The following NEGR1 variants were observed in gnomAD, a reference collection of about 807,000 sequenced individuals.
NEGR1 encodes neuronal growth regulator 1, also known as IgLON family member 4.
A neutral mutation model predicts 40.9 loss-of-function variants in NEGR1; 10 were observed. That is an observed-to-expected ratio of 0.24 (90% CI 0.15 to 0.42). The LOEUF is 0.42. Ranked by LOEUF, NEGR1 falls within the 10% of genes least tolerant of loss-of-function variation. The pLI is 1.00. For missense variants in NEGR1, 352 were observed against 438.9 expected (o/e 0.80, Z 1.77); for synonymous variants, 185 against 166.8 (o/e 1.11, Z -0.84).
intron 1 of NEGR1, among the ~76,000 whole-genome samples, chr1:71,998,879 A>G (rs1362825509): frequency 6.6e-6 from 1 of 151,890 alleles, no homozygotes; most frequent in African/African-American, 2.4e-5. Flanking sequence ...AGTTACATAT[A>G]CTATAGATAC....
chr1:71,941,522 T>G (rs1645959246), intron 1 of NEGR1, among the ~76,000 whole-genome samples: 1 of 152,220 alleles, frequency 6.6e-6, no homozygotes, highest in Middle Eastern at 3.4e-3. Context: ...ACAGAAATGG[T>G]TCTTATTATC....
intron 2 of NEGR1, among the ~76,000 whole-genome samples, chr1:71,789,375 G>A (rs532210628): frequency 1.3e-5 from 2 of 152,100 alleles, no homozygotes; most frequent in Non-Finnish European, 2.9e-5. Context: ...TGTTTAATGG[G>A]AATATTTTAG....
At chr1:71,928,950 G>C (rs1479860774) in intron 2 of NEGR1, among the ~76,000 whole-genome samples, 2 of 152,022 alleles carry the variant, frequency 1.3e-5, no homozygotes, top group Non-Finnish European at 2.9e-5. Context: ...ATGATTTATG[G>C]TAGAACAGGT....
chr1:71,894,202 C>A (rs1482031235), intron 2 of NEGR1, among the ~76,000 whole-genome samples: 1 of 141,954 alleles, frequency 7.0e-6, no homozygotes, highest in Non-Finnish European at 1.5e-5. Flanking sequence ...TGCACATGTA[C>A]CCTAAAACTT....
chr1:71,440,802 T>C (rs992365609), intron 6 of NEGR1, among the ~76,000 whole-genome samples: 6 of 152,250 alleles, frequency 3.9e-5, no homozygotes, highest in African/African-American at 1.4e-4. Context: ...AAAATTGTCA[T>C]ATTTATAGAA....
At chr1:71,560,429 T>TTATATATATATATATATATATATA (rs58813234) in intron 6 of NEGR1, among the ~76,000 whole-genome samples, 1,163 of 113,842 alleles carry the variant, frequency 0.01, 51 homozygotes, top group Non-Finnish European at 0.014. Flanking sequence ...TAATTCTCCA[T>TTATATATATATATATATATATATA]TATATATATA....
chr1:71,818,952 A>C (rs1570390551), intron 2 of NEGR1, among the ~76,000 whole-genome samples: 1 of 152,014 alleles, frequency 6.6e-6, no homozygotes, highest in Non-Finnish European at 1.5e-5. Context: ...TCTATTGTAC[A>C]ATAGAGCATT....
In NEGR1 at chr1:71,907,876, T is replaced by A. The variant is rs907542411; in HGVS notation, c.409+27203A>T. The stretch of plus-strand genomic sequence containing the variant: ...GCAACATGGATGCAGCTGGAGGCCA[T>A]TGTCCTAAGCACATTAACACAGGAA... On this transcript the variant is annotated intron_variant, in intron 2 of 6. Transcript: ENST00000357731. Among the ~76,000 whole-genome samples the A allele has an allele frequency of 4.3e-4, 66 of 152,140 alleles. 1 individual carries two copies. Among genetic ancestry groups the A allele is most frequent in the Admixed American group, 2.0e-4 (3 of 15,268 alleles).
chr1:71,631,148 C>T (rs1557593675), intron 4 of NEGR1, among the ~76,000 whole-genome samples: 1 of 151,984 alleles, frequency 6.6e-6, no homozygotes, highest in South Asian at 2.1e-4. Context: ...GCAGTGTCCA[C>T]TGTTTTGCTT....
chr1:71,836,616 C>A (rs1411065646), intron 2 of NEGR1, among the ~76,000 whole-genome samples: 2 of 151,434 alleles, frequency 1.3e-5, no homozygotes, highest in African/African-American at 4.9e-5. Flanking sequence ...GGGACTCCGG[C>A]GATTTCAGTT....
At chr1:71,836,060 C>T (rs1173238158) in intron 2 of NEGR1, among the ~76,000 whole-genome samples, 1 of 152,030 alleles carries the variant, frequency 6.6e-6, no homozygotes, top group Non-Finnish European at 1.5e-5. Flanking sequence ...TGATCAGGCT[C>T]CCTCATTATC....
chr1:72,107,901 T>C (rs1198650025), intron 1 of NEGR1, among the ~76,000 whole-genome samples: 1 of 151,496 alleles, frequency 6.6e-6, no homozygotes, highest in Admixed American at 6.6e-5. Flanking sequence ...ATGGTCACTT[T>C]TCTTCAAAGC....
At position 71,570,638 on chromosome 1, in the gene NEGR1, T is replaced by C. The variant is rs528380361; in HGVS notation, c.940+22179A>G. 2.5e-5 allele frequency among the ~76,000 whole-genome samples: 3 copies of C among 117,732 alleles called. No individual in the cohort carries two copies. The South Asian group carries it at 8.7e-4, about 34-fold the overall frequency. 77.2% of individuals were successfully genotyped at this position (117,732 alleles called of 152,430 possible). A position where few individuals can be genotyped will look rare whatever the true frequency, so the allele number is the denominator to read the frequency against. ...TAGTACTTATAAACTTTGTTTATAC[T>C]GGGTCCTTATTATTATTATTATTAT... On this transcript the variant is annotated intron_variant, in intron 6 of 6. Transcript: ENST00000357731.
intron 1 of NEGR1, among the ~76,000 whole-genome samples, chr1:72,007,818 T>C (rs1320982174): frequency 6.6e-6 from 1 of 152,192 alleles, no homozygotes; most frequent in Non-Finnish European, 1.5e-5. Flanking sequence ...CTTTATTCAT[T>C]AAGTACATTA....
chr1:71,641,475 C>A lies in NEGR1; in HGVS notation c.668-30329G>T, dbSNP rs570397116. On this transcript the variant is annotated intron_variant, in intron 4 of 6. Coordinates refer to ENST00000357731, the MANE Select transcript of NEGR1 (RefSeq NM_173808.3). ...ATGATGGTGACCCAGTGGTGGGTTT[C>A]CTCTGTATTCTTTAAGCTGATCCTC... 1.2e-4 allele frequency among the ~76,000 whole-genome samples: 18 copies of A among 152,110 alleles called. 1 individual carries two copies. The South Asian group carries it at 3.7e-3, about 32-fold the overall frequency.
chr1:71,955,839 C>A (rs934099752), intron 1 of NEGR1, among the ~76,000 whole-genome samples: 6 of 152,068 alleles, frequency 3.9e-5, no homozygotes, highest in Non-Finnish European at 8.8e-5. Flanking sequence ...TTTTCACGGA[C>A]CATTCTGTTT....
At chr1:72,026,458 G>A (rs1452455606) in intron 1 of NEGR1, among the ~76,000 whole-genome samples, 1 of 149,376 alleles carries the variant, frequency 6.7e-6, no homozygotes, top group Non-Finnish European at 1.5e-5. Context: ...TGAATATATT[G>A]AAATTAAAAT....
intron 1 of NEGR1, among the ~76,000 whole-genome samples, chr1:71,958,649 T>C (rs1646137727): frequency 6.6e-6 from 1 of 152,152 alleles, no homozygotes; most frequent in Non-Finnish European, 1.5e-5. Context: ...AAGAACTAAT[T>C]CTTGTTTTAA....
At chr1:72,208,884 A>G (rs1267433532) in intron 1 of NEGR1, among the ~76,000 whole-genome samples, 1 of 151,692 alleles carries the variant, frequency 6.6e-6, no homozygotes, top group Admixed American at 6.6e-5. Context: ...AGTTACATCT[A>G]TAAGGAAATG....
Sources: allele counts gnomAD v4.1 joint callset (sites outside exome capture counted in the v4.1 genomes callset), GRCh38; gene constraint gnomAD v4.1.1; transcripts MANE v1.5; gene names NCBI Gene and HGNC (gene_info 2026-07-23, HGNC 2026-07-21).